TTLL11: variants seen among roughly 807,000 people sequenced by gnomAD.
The protein encoded by TTLL11 is tubulin polyglutamylase TTLL11.
A neutral mutation model predicts 51.7 loss-of-function variants in TTLL11; 42 were observed. The observed-to-expected ratio is 0.81, with a 90% CI of 0.64 to 1.05. The LOEUF (loss-of-function observed/expected upper bound fraction) is 1.05, where lower values mean the gene tolerates loss of function less well. Among genes scored for constraint, TTLL11 ranks in the 50% least tolerant of loss-of-function variants. The pLI is 0.00. For missense variants in TTLL11, 799 were observed against 940.4 expected, an observed-to-expected ratio of 0.85 and a Z score of 1.97; for synonymous variants, 381 against 383.5, an observed-to-expected ratio of 0.99 and a Z score of 0.08.
At chr9:122,064,600 T>C (rs1028242153) in intron 1 of TTLL11, among the ~76,000 whole-genome samples, 1 of 152,194 alleles carries the variant, frequency 6.6e-6, no homozygotes, top group Non-Finnish European at 1.5e-5. Flanking sequence ...TACACTGTGC[T>C]AGGTGTTGGG....
At chr9:121,889,146 A>G (rs1379091551) in intron 6 of TTLL11, among the ~76,000 whole-genome samples, 4 of 152,176 alleles carry the variant, frequency 2.6e-5, no homozygotes, top group Non-Finnish European at 4.4e-5. Context: ...CAACAACCCT[A>G]TGAGGTATCT....
At chr9:122,003,661 A>G (rs1434882466) in intron 3 of TTLL11, among the ~76,000 whole-genome samples, 8 of 150,584 alleles carry the variant, frequency 5.3e-5, no homozygotes, top group African/African-American at 2.0e-4. Context: ...ATTTTCTTGT[A>G]TTTTTAGTAG....
chr9:121,968,589 G>A (rs887258879), intron 6 of TTLL11, among the ~76,000 whole-genome samples: 2 of 151,982 alleles, frequency 1.3e-5, no homozygotes, highest in South Asian at 2.1e-4. Flanking sequence ...ACAGAGTCTC[G>A]CTCTGTTGCC....
chr9:121,870,680 G>A lies in TTLL11; in HGVS notation c.1550C>T (p.Pro517Leu). The A allele has an allele frequency of 1.3e-6, 2 of 1,551,742 alleles. No individual in the cohort carries two copies. Among genetic ancestry groups the A allele is most frequent in the Non-Finnish European group, 1.7e-6 (2 of 1,147,002 alleles). The change falls in exon 7 of 9, where the codon CCA becomes CTA. Residue 517 changes from proline (P) to leucine (L), a missense_variant. Coordinates refer to ENST00000321582, the MANE Select transcript of TTLL11 (RefSeq NM_001139442.2). ...DALDGELTSA[P>L]DCNANPEAHL... Reference sequence around the variant, plus strand: ...GGCTTCGGGGTTGGCGTTGCAGTCTGGAGCACTGGTCAGCTCGCCGTCCAA... The same window carrying A: ...GGCTTCGGGGTTGGCGTTGCAGTCTAGAGCACTGGTCAGCTCGCCGTCCAA...
At chr9:121,884,199 C>T (rs1045643832) in intron 6 of TTLL11, among the ~76,000 whole-genome samples, 6 of 152,076 alleles carry the variant, frequency 3.9e-5, no homozygotes, top group African/African-American at 1.4e-4. Context: ...GTGTTTATGG[C>T]GACACAATGG....
chr9:121,899,378 CATATATATATAT>C (rs747040027), intron 6 of TTLL11, among the ~76,000 whole-genome samples: 5 of 130,464 alleles, frequency 3.8e-5, no homozygotes, highest in East Asian at 2.2e-4. Flanking sequence ...TATATATATA[CATATATATATAT>C]ATATATATAT....
At chr9:121,985,900 C>A (rs1842929366) in intron 4 of TTLL11, among the ~76,000 whole-genome samples, 1 of 152,190 alleles carries the variant, frequency 6.6e-6, no homozygotes, top group Non-Finnish European at 1.5e-5. Flanking sequence ...ACACCTTATA[C>A]CCTGTCAAAG....
At chr9:121,950,403 A>G (rs1841816970) in intron 6 of TTLL11, among the ~76,000 whole-genome samples, 1 of 152,140 alleles carries the variant, frequency 6.6e-6, no homozygotes, top group African/African-American at 2.4e-5. Flanking sequence ...GATAGGTGCT[A>G]TTATTAAATT....
chr9:122,027,177 A>G (rs1424525103), intron 3 of TTLL11, among the ~76,000 whole-genome samples: 1 of 152,160 alleles, frequency 6.6e-6, no homozygotes, highest in African/African-American at 2.4e-5. Context: ...GAGGTGCTAC[A>G]CACTTTTAAA....
At chr9:122,021,548 C>T (rs1844180009) in intron 3 of TTLL11, among the ~76,000 whole-genome samples, 1 of 152,144 alleles carries the variant, frequency 6.6e-6, no homozygotes, top group Non-Finnish European at 1.5e-5. Flanking sequence ...GACTAGAAAA[C>T]ATGATTCATG....
intron 4 of TTLL11, among the ~76,000 whole-genome samples, chr9:121,979,864 T>G (rs1842791195): frequency 6.6e-6 from 1 of 152,074 alleles, no homozygotes; most frequent in Non-Finnish European, 1.5e-5. Flanking sequence ...TTACTATTAC[T>G]ACACATCTTG....
chr9:121,903,276 C>G (rs1478472126), intron 6 of TTLL11, among the ~76,000 whole-genome samples: 1 of 152,054 alleles, frequency 6.6e-6, no homozygotes, highest in Admixed American at 6.6e-5. Context: ...GGATTGGAGC[C>G]CGAGTCCCAC....
intron 6 of TTLL11, among the ~76,000 whole-genome samples, chr9:121,934,013 T>C (rs1841096309): frequency 6.6e-6 from 1 of 152,188 alleles, no homozygotes; most frequent in Non-Finnish European, 1.5e-5. Flanking sequence ...GCGGATCACC[T>C]GAGATCAGGA....
intron 8 of TTLL11, among the ~76,000 whole-genome samples, chr9:121,824,433 G>C (rs532193144): frequency 7.1e-6 from 1 of 139,898 alleles, no homozygotes; most frequent in Non-Finnish European, 1.5e-5. Flanking sequence ...CCAAGATCAC[G>C]CCACTGCACT....
intron 8 of TTLL11, among the ~76,000 whole-genome samples, chr9:121,840,822 C>A (rs750087305): frequency 1.7e-4 from 26 of 152,268 alleles, no homozygotes; most frequent in Non-Finnish European, 3.2e-4. Context: ...CTAGTGAGAC[C>A]CCATCTACCT....
intron 6 of TTLL11, among the ~76,000 whole-genome samples, chr9:121,950,186 C>A (rs1177345367): frequency 6.6e-6 from 1 of 152,024 alleles, no homozygotes; most frequent in African/African-American, 2.4e-5. Flanking sequence ...CAGTTATGAC[C>A]CTCCTAGGCG....
chr9:121,879,202 A>G (rs1267404811), intron 6 of TTLL11, among the ~76,000 whole-genome samples: 1 of 152,106 alleles, frequency 6.6e-6, no homozygotes, highest in African/African-American at 2.4e-5. Context: ...CTGTCTAGTC[A>G]CCAGCCCTCA....
rs997112078 is a variant in TTLL11, at chr9:121,815,787, A to G, written c.*6800T>C. ...TAACAGAACCTTGACTTTATGCGCCATGAAAATTTAATAAAGAATTTTGAA... is the reference window on the plus strand; with the variant it reads ...TAACAGAACCTTGACTTTATGCGCCGTGAAAATTTAATAAAGAATTTTGAA... On this transcript the variant is annotated 3_prime_UTR_variant, in exon 9 of 9. Transcript: ENST00000321582. The G allele has an allele frequency of 1.3e-5, 2 of 152,192 alleles. No individual in the cohort carries two copies. Among genetic ancestry groups the G allele is most frequent in the African/African-American group, 2.4e-5 (1 of 41,448 alleles). The allele number at this position is 152,192 out of a possible 1,614,324, so 9.4% of individuals were successfully genotyped here.
chr9:121,837,727 G>A (rs1453486528), intron 8 of TTLL11, among the ~76,000 whole-genome samples: 1 of 152,032 alleles, frequency 6.6e-6, no homozygotes, highest in Non-Finnish European at 1.5e-5. Flanking sequence ...CTCCTGGGGT[G>A]GCACTGCCTC....
Sources: allele counts gnomAD v4.1 joint callset (sites outside exome capture counted in the v4.1 genomes callset), GRCh38; gene constraint gnomAD v4.1.1; transcripts MANE v1.5; gene names NCBI Gene and HGNC (gene_info 2026-07-23, HGNC 2026-07-21).